The following RANBP2 variants were observed in gnomAD, a reference collection of about 807,000 sequenced individuals.
RANBP2 encodes the protein E3 SUMO-protein ligase RanBP2.
Under a neutral mutation model 303.6 loss-of-function variants are expected in RANBP2, and 57 were observed. The observed-to-expected ratio is 0.19, with a 90% CI of 0.15 to 0.23. The LOEUF is 0.23. RANBP2 is among the 10% of genes least tolerant of loss of function. The probability of loss-of-function intolerance (pLI) is 1.00; values close to 1 mark genes in which losing one functional copy is unlikely to be tolerated. For synonymous variants in RANBP2, 1,167 were observed against 1,301.5 expected (o/e 0.90, Z 2.23); for missense variants, 3,138 against 3,780.8 (o/e 0.83, Z 4.46).
chr2:108,780,699 T>TTTTC (rs751595084), intron 25 of RANBP2, among the ~76,000 whole-genome samples: 8 of 150,956 alleles, frequency 5.3e-5, no homozygotes, highest in African/African-American at 1.7e-4. Context: ...CCGGCTTTTC[T>TTTTC]TTTCTTTCTT....
At chr2:109,614,151 G>C in the RANBP2 span, 1 of 1,197,812 alleles carries the variant, frequency 8.3e-7, no homozygotes, top group Non-Finnish European at 1.0e-6. Flanking sequence ...GACGGCGCGA[G>C]GAATGCAGGC....
At chr2:109,524,469 A>AAAAAC in the RANBP2 span, among the ~76,000 whole-genome samples, 52 of 80,830 alleles carry the variant, frequency 6.4e-4, no homozygotes, top group South Asian at 1.6e-3. Context: ...AAAAAAAACA[A>AAAAAC]AACAACACTG....
chr2:109,250,528 G>C, the RANBP2 span, among the ~76,000 whole-genome samples: 41 of 151,720 alleles, frequency 2.7e-4, no homozygotes, highest in African/African-American at 9.7e-4. Flanking sequence ...GATTTTAAAG[G>C]ATCTAGAATT....
chr2:109,612,986 T>A, the RANBP2 span: 1 of 450,830 alleles, frequency 2.2e-6, no homozygotes, highest in East Asian at 7.1e-5. Context: ...GTCTCCAGCC[T>A]CCAAAGAGCT....
chr2:108,786,558 TG>T (rs889201038), downstream of RANBP2, among the ~76,000 whole-genome samples: 3 of 152,018 alleles, frequency 2.0e-5, no homozygotes, highest in African/African-American at 7.2e-5. Flanking sequence ...CCTCAACCCG[TG>T]GCACCCAGGC....
chr2:109,097,884 G>A, the RANBP2 span, among the ~76,000 whole-genome samples: 1 of 151,854 alleles, frequency 6.6e-6, no homozygotes. Context: ...CTTGGTTCTG[G>A]GTCCAGCATG....
chr2:109,702,830 G>A, the RANBP2 span, among the ~76,000 whole-genome samples: 8 of 147,760 alleles, frequency 5.4e-5, no homozygotes, highest in Admixed American at 2.0e-4. Flanking sequence ...TTGCAACTAC[G>A]TCATAGGTAT....
At chr2:109,429,869 C>T in the RANBP2 span, among the ~76,000 whole-genome samples, 2 of 152,182 alleles carry the variant, frequency 1.3e-5, no homozygotes, top group Non-Finnish European at 2.9e-5. Context: ...CACCAAGCTC[C>T]ACGCTGTGCA....
chr2:109,039,175 T>G, the RANBP2 span, among the ~76,000 whole-genome samples: 1 of 152,228 alleles, frequency 6.6e-6, no homozygotes, highest in Non-Finnish European at 1.5e-5. Context: ...AGACAGACTT[T>G]GGACTCAGGC....
the RANBP2 span, among the ~76,000 whole-genome samples, chr2:109,366,427 T>C: frequency 6.6e-6 from 1 of 152,198 alleles, no homozygotes; most frequent in Admixed American, 6.5e-5. Context: ...TACAGAAAAG[T>C]GTGGTGAGTT....
the RANBP2 span, among the ~76,000 whole-genome samples, chr2:108,899,139 T>C: frequency 6.6e-6 from 1 of 152,080 alleles, no homozygotes; most frequent in Non-Finnish European, 1.5e-5. Flanking sequence ...AATGAACTTC[T>C]GAAAACTAAA....
chr2:108,763,934 T>C lies in RANBP2; in HGVS notation c.3395T>C (p.Phe1132Ser). ...GGTTTTCGGCGAAGTGATGATATGTTTACTTTCCATGGTCCAGGGAAATCA... is the reference window on the plus strand; with the variant it reads ...GGTTTTCGGCGAAGTGATGATATGTCTACTTTCCATGGTCCAGGGAAATCA... ...NSGFRRSDDMFTFHGPGKSVF... is the reference protein window; with the variant it reads ...NSGFRRSDDMSTFHGPGKSVF... The change falls in exon 20 of 29, where the codon TTT becomes TCT. Residue 1132 changes from phenylalanine (F) to serine (S), a missense_variant. Coordinates refer to ENST00000283195, the MANE Select transcript of RANBP2 (RefSeq NM_006267.5). 1 of 1,613,904 alleles carries C rather than the reference T, an allele frequency of 6.2e-7. No homozygotes were observed. The highest frequency in any genetic ancestry group is 8.5e-7 in the Non-Finnish European group (1 of 1,179,972).
the RANBP2 span, among the ~76,000 whole-genome samples, chr2:109,654,629 T>C: frequency 3.3e-5 from 5 of 152,162 alleles, no homozygotes; most frequent in African/African-American, 1.2e-4. Context: ...TAAGTCATTG[T>C]GATATCATAG....
the RANBP2 span, among the ~76,000 whole-genome samples, chr2:109,591,749 T>C: frequency 6.6e-6 from 1 of 151,888 alleles, no homozygotes. Context: ...AATACAAAAA[T>C]TGGCCGAGTG....
the RANBP2 span, among the ~76,000 whole-genome samples, chr2:109,638,461 G>T: frequency 2.0e-5 from 3 of 152,152 alleles, no homozygotes; most frequent in African/African-American, 7.2e-5. Context: ...ACTGGTGTGG[G>T]GTTGCTTTGT....
At chr2:109,577,598 T>A in the RANBP2 span, among the ~76,000 whole-genome samples, 8,088 of 133,282 alleles carry the variant, frequency 0.061, 646 homozygotes, top group East Asian at 0.26. Context: ...CCTCAAAATT[T>A]AAAAAAAAAA....
At chr2:108,829,245 C>T in the RANBP2 span, among the ~76,000 whole-genome samples, 28 of 152,210 alleles carry the variant, frequency 1.8e-4, 2 homozygotes, top group South Asian at 5.8e-3. Context: ...CAAGCGATTG[C>T]TACCCACAAT....
the RANBP2 span, among the ~76,000 whole-genome samples, chr2:109,691,402 C>T: frequency 6.6e-5 from 10 of 152,182 alleles, no homozygotes; most frequent in African/African-American, 1.2e-4. Flanking sequence ...TGGGTTGGAC[C>T]GGGGCCTGGT....
chr2:109,615,433 A>C, the RANBP2 span: 20 of 1,613,092 alleles, frequency 1.2e-5, no homozygotes, highest in Non-Finnish European at 1.7e-5. Context: ...CACGGCAGGC[A>C]GGAGCTTCTG....
Sources: gnomAD v4.1 joint callset for allele counts (sites outside exome capture counted in the v4.1 genomes callset) on GRCh38, gnomAD v4.1.1 for gene constraint, MANE v1.5 for transcripts, NCBI Gene and HGNC (gene_info 2026-07-23, HGNC 2026-07-21) for gene names.